The following EIF5B variants were observed in gnomAD, a reference collection of about 807,000 sequenced individuals.
EIF5B encodes eukaryotic translation initiation factor 5B.
In EIF5B, 47 loss-of-function variants were observed where a neutral mutation model predicts 147.5. The observed-to-expected ratio is 0.32, with a 90% CI of 0.25 to 0.41. EIF5B has a LOEUF of 0.41. Among genes scored for constraint, EIF5B ranks in the 10% least tolerant of loss-of-function variants. The pLI, the probability that EIF5B is intolerant of heterozygous loss-of-function variation, is 1.00. For missense variants in EIF5B, 1,064 were observed against 1,413.2 expected (o/e 0.75, Z 3.96); for synonymous variants, 455 against 456.2 (o/e 1.00, Z 0.03).
intron 9 of EIF5B, among the ~76,000 whole-genome samples, chr2:99,373,040 A>T (rs1466781819): frequency 6.6e-6 from 1 of 152,056 alleles, no homozygotes; most frequent in African/African-American, 2.4e-5. Context: ...ATGCTGTGTC[A>T]TTAGGTAAAC....
chr2:99,340,565 C>A (rs1375218220), intron 1 of EIF5B: 2 of 152,248 alleles, frequency 1.3e-5, no homozygotes, highest in Non-Finnish European at 2.9e-5. Context: ...ACAATACTCA[C>A]TGTCCTTAAT....
chr2:99,377,445 C>T (rs556157983), intron 10 of EIF5B, among the ~76,000 whole-genome samples: 18 of 151,268 alleles, frequency 1.2e-4, no homozygotes, highest in African/African-American at 4.4e-4. Context: ...CTGTTCTCTT[C>T]CTTGTATGAT....
chr2:99,389,370 G>A (rs115942119), intron 14 of EIF5B, among the ~76,000 whole-genome samples: 2,205 of 152,206 alleles, frequency 0.014, 62 homozygotes, highest in African/African-American at 0.05. Context: ...TTATAGTGAT[G>A]GTACTTGCTG....
At chr2:99,398,575 G>T (rs1675117670) in intron 22 of EIF5B, 173 bp from the exon 23 acceptor site, 2 of 607,756 alleles carry the variant, frequency 3.3e-6, no homozygotes, top group Non-Finnish European at 2.9e-6. Context: ...ATAGGGTGTT[G>T]GTGGTGCCAG....
chr2:99,348,058 A>G (rs1284438637), intron 1 of EIF5B, among the ~76,000 whole-genome samples: 8 of 152,228 alleles, frequency 5.3e-5, no homozygotes, highest in African/African-American at 1.9e-4. Context: ...ACTGGAATCT[A>G]TAATACATAT....
chr2:99,374,806 T>C (rs1327553730), intron 9 of EIF5B, among the ~76,000 whole-genome samples: 3 of 152,168 alleles, frequency 2.0e-5, no homozygotes, highest in Non-Finnish European at 4.4e-5. Flanking sequence ...TTATCAGTTT[T>C]ATGTTAGGAG....
rs183157347 is a variant in EIF5B, at chr2:99,344,100, T to A, written c.35+6511T>A. 3.0e-3 allele frequency among the ~76,000 whole-genome samples: 449 copies of A among 152,000 alleles called. 4 individuals are homozygous for A. The highest frequency in any genetic ancestry group is 0.01 in the African/African-American group (430 of 41,510). ...CGCCTGGCTAGTTTTTTTGTATTTT[T>A]AGTAGAGACGGGGTTTCACCATGTT... On this transcript the variant is annotated intron_variant, in intron 1 of 23. Coordinates refer to ENST00000289371, the MANE Select transcript of EIF5B (RefSeq NM_015904.4).
At chr2:99,360,004 T>C (rs1043004052) in intron 1 of EIF5B, among the ~76,000 whole-genome samples, 24 of 152,226 alleles carry the variant, frequency 1.6e-4, no homozygotes, top group African/African-American at 5.1e-4. Flanking sequence ...GATTTTTTTC[T>C]GGAGCTTTTC....
At chr2:99,352,544 CAG>C (rs1673993284) in intron 1 of EIF5B, among the ~76,000 whole-genome samples, 1 of 141,204 alleles carries the variant, frequency 7.1e-6, no homozygotes, top group Non-Finnish European at 1.5e-5. Context: ...TTTTTTTTGA[CAG>C]AGTTTTGCTC....
In EIF5B at chr2:99,344,883, C is replaced by A. The variant is rs538138759; in HGVS notation, c.35+7294C>A. 2.8e-4 allele frequency among the ~76,000 whole-genome samples: 42 copies of A among 152,292 alleles called. No individual in the cohort carries two copies. The South Asian group carries it at 8.7e-3, about 32-fold the overall frequency. On this transcript the variant is annotated intron_variant, in intron 1 of 23. Coordinates refer to ENST00000289371, the MANE Select transcript of EIF5B (RefSeq NM_015904.4). ...TAAATCTCATTTCATATGTATTCTG[C>A]CCCCTCCTTTCTTTTCTCCATTATC...
intron 6 of EIF5B, among the ~76,000 whole-genome samples, chr2:99,367,132 G>A (rs1469709431): frequency 3.3e-5 from 5 of 152,178 alleles, no homozygotes; most frequent in African/African-American, 1.2e-4. Context: ...GCTTAGATAG[G>A]ACTCTAAACC....
chr2:99,343,767 T>C (rs1181484395), intron 1 of EIF5B, among the ~76,000 whole-genome samples: 1 of 151,414 alleles, frequency 6.6e-6, no homozygotes, highest in Non-Finnish European at 1.5e-5. Flanking sequence ...TGAGCCAAGA[T>C]TGCACCACTG....
chr2:99,367,734 C>T (rs55720283), intron 6 of EIF5B, among the ~76,000 whole-genome samples: 4,777 of 152,190 alleles, frequency 0.031, 196 homozygotes, highest in African/African-American at 0.095. Flanking sequence ...GGATTACAGG[C>T]GTGAGCCATT....
At chr2:99,372,053 T>G (rs1031849745) in intron 9 of EIF5B, among the ~76,000 whole-genome samples, 2 of 152,202 alleles carry the variant, frequency 1.3e-5, no homozygotes, top group African/African-American at 4.8e-5. Context: ...GGTAATGAGA[T>G]AAATACTATA....
intron 1 of EIF5B, among the ~76,000 whole-genome samples, chr2:99,337,908 T>C (rs1295206210): frequency 6.6e-6 from 1 of 152,154 alleles, no homozygotes; most frequent in Non-Finnish European, 1.5e-5. Context: ...CCCAGGCCAG[T>C]GTGAGTTTTT....
chr2:99,389,954 T>C, intron 15 of EIF5B, 105 bp downstream of exon 15: 1 of 1,400,554 alleles, frequency 7.1e-7, no homozygotes, highest in Non-Finnish European at 9.6e-7. Flanking sequence ...TTTTCCTCTG[T>C]TGACAGCAAT....
At chr2:99,372,768 G>C (rs1189097871) in intron 9 of EIF5B, among the ~76,000 whole-genome samples, 1 of 152,228 alleles carries the variant, frequency 6.6e-6, no homozygotes, top group African/African-American at 2.4e-5. Flanking sequence ...AGCATGGTCA[G>C]TTATTGTAAG....
Position 99,376,333 on chromosome 2 carries a change from A to T in EIF5B, c.1553-14A>T. The T allele has an allele frequency of 7.5e-7, 1 of 1,335,626 alleles. No homozygotes were observed. Among genetic ancestry groups the T allele is most frequent in the Non-Finnish European group, 1.0e-6 (1 of 983,870 alleles). The allele number at this position is 1,335,626 out of a possible 1,614,324, so 82.7% of individuals were successfully genotyped here. On this transcript the variant is annotated splice_polypyrimidine_tract_variant and intron_variant, in intron 9 of 23. Coordinates refer to ENST00000289371, the MANE Select transcript of EIF5B (RefSeq NM_015904.4). ...TTAATGTTTATTTATTTAAAAATAT[A>T]TTTGCTTTCGTAGTAGAAGGAAACA... is the stretch of plus-strand genomic sequence containing the variant.
chr2:99,378,297 A>G (rs1394837420), intron 10 of EIF5B, among the ~76,000 whole-genome samples: 1 of 152,192 alleles, frequency 6.6e-6, no homozygotes, highest in Non-Finnish European at 1.5e-5. Context: ...TTGAATGCCA[A>G]CTTTACTGTA....
Sources: gnomAD v4.1 joint callset for allele counts (sites outside exome capture counted in the v4.1 genomes callset) on GRCh38, gnomAD v4.1.1 for gene constraint, MANE v1.5 for transcripts, NCBI Gene and HGNC (gene_info 2026-07-23, HGNC 2026-07-21) for gene names.